Variants in SCRN3 observed in about 807,000 individuals in gnomAD.
The protein encoded by SCRN3 is secernin 3.
SCRN3 carries 39 observed loss-of-function variants against 43.1 expected under a neutral mutation model. The ratio of observed to expected loss-of-function variants is 0.91; its 90% CI spans 0.70 to 1.18. The LOEUF (loss-of-function observed/expected upper bound fraction) is 1.18. SCRN3 is among the 50% of genes most tolerant of loss of function. SCRN3 has a pLI of 0.00. For synonymous variants in SCRN3, 147 were observed against 163.1 expected (o/e 0.90, Z 0.75); for missense variants, 484 against 498.0 (o/e 0.97, Z 0.27).
chr2:174,414,552 A>C (rs1364672873), intron 5 of SCRN3, among the ~76,000 whole-genome samples: 2 of 152,084 alleles, frequency 1.3e-5, no homozygotes, highest in African/African-American at 4.8e-5. Context: ...GAACATTCTC[A>C]TTTTTTAAAA....
chr2:174,403,600 C>T (rs1157413208), intron 4 of SCRN3, among the ~76,000 whole-genome samples: 1 of 151,938 alleles, frequency 6.6e-6, no homozygotes, highest in Non-Finnish European at 1.5e-5. Context: ...TCAGTAAAAC[C>T]AAAAGCTTAC....
At chr2:174,411,106 G>C (rs1312707406) in intron 5 of SCRN3, among the ~76,000 whole-genome samples, 1 of 152,146 alleles carries the variant, frequency 6.6e-6, no homozygotes, top group Non-Finnish European at 1.5e-5. Flanking sequence ...TGAGCTGCCT[G>C]CTGCTCCAGG....
chr2:174,417,732 T>C (rs745523422), intron 5 of SCRN3, among the ~76,000 whole-genome samples: 2 of 152,356 alleles, frequency 1.3e-5, no homozygotes, highest in South Asian at 4.1e-4. Flanking sequence ...GAAATAGATA[T>C]CTTCATTTTA....
rs375000152 is a variant in SCRN3, at chr2:174,409,381, T to C, written c.754+5066T>C. ...TCTTCTAAATTTTTTTCAAAGTTTT[T>C]AACTTCTTTGCCTTTGGTTTGAATG... On this transcript the variant is annotated intron_variant, in intron 5 of 7. Coordinates refer to ENST00000272732, the MANE Select transcript of SCRN3 (RefSeq NM_024583.5). Among the ~76,000 whole-genome samples the C allele has an allele frequency of 6.1e-5, 9 of 148,068 alleles. No homozygotes were observed. In the South Asian group the frequency reaches 2.0e-3, roughly 32 times the overall value.
At chr2:174,403,473 C>A (rs1685575017) in intron 4 of SCRN3, among the ~76,000 whole-genome samples, 1 of 152,092 alleles carries the variant, frequency 6.6e-6, no homozygotes, top group Non-Finnish European at 1.5e-5. Flanking sequence ...ATATCCTTTA[C>A]CTTGTGAATA....
In SCRN3 at chr2:174,399,998, C is replaced by A. The variant is rs1245256353; in HGVS notation, c.236C>A (p.Ala79Glu). The stretch of plus-strand genomic sequence containing the variant: ...AGTCGCCCAGCGTGGTTGTGGGGGG[C>A]AGAAATGGGAGCCAATGAGCATGGA... Reference protein sequence around the residue: ...VLSRPAWLWGAEMGANEHGVC... With the variant: ...VLSRPAWLWGEEMGANEHGVC... Residue 79 changes from alanine (A) to glutamate (E), a missense_variant, in exon 3 of 8, where the codon GCA becomes GAA. Coordinates refer to ENST00000272732, the MANE Select transcript of SCRN3 (RefSeq NM_024583.5). 1.3e-6 allele frequency: 2 copies of A among 1,594,260 alleles called. No individual in the cohort carries two copies. Among genetic ancestry groups the A allele is most frequent in the South Asian group, 1.1e-5 (1 of 88,428 alleles).
At position 174,422,903 on chromosome 2, in the gene SCRN3, C is replaced by T. The variant is rs779710465; in HGVS notation, c.773C>T (p.Thr258Ile). Reference protein sequence around the residue: ...NKHKGNITFETMMEILRDKPS... With the variant: ...NKHKGNITFEIMMEILRDKPS... ...TCTCTAGGAAATATAACTTTTGAAA[C>T]AATGATGGAAATTCTTCGAGATAAA... Residue 258 changes from threonine (T) to isoleucine (I), a missense_variant, in exon 6 of 8, where the codon ACA becomes ATA. Transcript: ENST00000272732. The T allele has an allele frequency of 2.5e-6, 4 of 1,606,710 alleles. No individual in the cohort carries two copies. The highest frequency in any genetic ancestry group is 2.2e-5 in the East Asian group (1 of 44,774).
At chr2:174,422,794 C>T (rs895104614) in intron 5 of SCRN3, 91 bp from the exon 6 acceptor site, 1 of 718,936 alleles carries the variant, frequency 1.4e-6, no homozygotes, top group Non-Finnish European at 2.2e-6. Context: ...AGACTAATAT[C>T]TCACATATTA....
chr2:174,396,093 G>A, intron 1 of SCRN3: 1 of 1,119,464 alleles, frequency 8.9e-7, no homozygotes, highest in Non-Finnish European at 1.1e-6. Flanking sequence ...AATAATTCCG[G>A]CCCTAACCGT....
intron 5 of SCRN3, among the ~76,000 whole-genome samples, chr2:174,406,372 G>A (rs1449283332): frequency 7.3e-6 from 1 of 136,478 alleles, no homozygotes; most frequent in East Asian, 2.1e-4. Context: ...AGACAATGGG[G>A]TTTTCTAGAT....
chr2:174,403,981 G>T, intron 4 of SCRN3, 122 bp from the exon 5 acceptor site: 1 of 660,964 alleles, frequency 1.5e-6, no homozygotes, highest in South Asian at 2.3e-5. Flanking sequence ...GATGCCCATG[G>T]CACAAAATTT....
chr2:174,408,304 A>G (rs1187474314), intron 5 of SCRN3, among the ~76,000 whole-genome samples: 1 of 113,008 alleles, frequency 8.8e-6, no homozygotes, highest in Non-Finnish European at 2.0e-5. Context: ...TTTGTTTTCC[A>G]TTTGCTTGGT....
intron 5 of SCRN3, among the ~76,000 whole-genome samples, chr2:174,408,450 C>T (rs1685774294): frequency 6.9e-6 from 1 of 145,720 alleles, no homozygotes; most frequent in African/African-American, 2.4e-5. Context: ...AGAATTTAGT[C>T]CATTTATATT....
chr2:174,417,636 G>A (rs1235496428), intron 5 of SCRN3, among the ~76,000 whole-genome samples: 2 of 152,022 alleles, frequency 1.3e-5, no homozygotes, highest in African/African-American at 4.8e-5. Context: ...CTCATGATCC[G>A]CCCACCTCGG....
Position 174,428,082 on chromosome 2 carries a change from C to T in SCRN3, c.*187C>T. ...TGTTGCTGAAATAGAAAGAAAACAG[C>T]ATTGGAATTGGATTCATGTATCGTG... On this transcript the variant is annotated 3_prime_UTR_variant, in exon 8 of 8. Coordinates refer to ENST00000272732, the MANE Select transcript of SCRN3 (RefSeq NM_024583.5). 2.6e-6 allele frequency: 1 copy of T among 388,150 alleles called. No individual in the cohort carries two copies. Among genetic ancestry groups the T allele is most frequent in the Non-Finnish European group, 4.7e-6 (1 of 213,986 alleles). The allele number at this position is 388,150 out of a possible 1,614,324, so 24.0% of individuals were successfully genotyped here.
Position 174,411,579 on chromosome 2 carries a change from A to T in SCRN3, c.754+7264A>T, listed in dbSNP as rs1035487957. On this transcript the variant is annotated intron_variant, in intron 5 of 7. Transcript: ENST00000272732. The stretch of plus-strand genomic sequence containing the variant: ...TATAACTCCCATTTCTCTATTCTTT[A>T]CTTTCAAGTTTTTAAAAAATCGTTA... 5.3e-5 allele frequency among the ~76,000 whole-genome samples: 8 copies of T among 152,036 alleles called. 1 individual carries two copies. Among genetic ancestry groups the T allele is most frequent in the Admixed American group, 5.2e-4 (8 of 15,268 alleles).
intron 5 of SCRN3, among the ~76,000 whole-genome samples, chr2:174,405,934 G>A (rs375694461): frequency 0.072 from 8,683 of 119,912 alleles, 216 homozygotes; most frequent in Middle Eastern, 0.12. Flanking sequence ...TTGACTTGGC[G>A]ATGCGGGCTC....
chr2:174,417,244 C>A (rs1255978201), intron 5 of SCRN3, among the ~76,000 whole-genome samples: 1 of 151,874 alleles, frequency 6.6e-6, no homozygotes, highest in Non-Finnish European at 1.5e-5. Context: ...ACCCATGTAA[C>A]AAACCTGCAT....
intron 5 of SCRN3, among the ~76,000 whole-genome samples, chr2:174,414,036 C>T (rs1020024775): frequency 1.3e-5 from 2 of 152,096 alleles, no homozygotes; most frequent in Non-Finnish European, 2.9e-5. Context: ...ATAAACTTAC[C>T]CTATGCTTCA....
Sources: allele counts gnomAD v4.1 joint callset (sites outside exome capture counted in the v4.1 genomes callset), GRCh38; gene constraint gnomAD v4.1.1; transcripts MANE v1.5; gene names NCBI Gene and HGNC (gene_info 2026-07-23, HGNC 2026-07-21).